LPA: variants seen among roughly 807,000 people sequenced by gnomAD.
LPA encodes the protein lipoprotein(a).
A neutral mutation model predicts 197.9 loss-of-function variants in LPA; 199 were observed. The observed-to-expected ratio is 1.01, with a 90% CI of 0.90 to 1.13. The LOEUF (loss-of-function observed/expected upper bound fraction) is 1.13, where lower values mean the gene tolerates loss of function less well. LPA is among the 50% of genes most tolerant of loss of function. The pLI is 0.00. For missense variants in LPA, 1,853 were observed against 1,785.8 expected (o/e 1.04, Z -0.68); for synonymous variants, 715 against 639.5 (o/e 1.12, Z -1.78).
At chr6:160,654,048 ATAATATATTATATATATTAT>A (rs1780077189) in intron 1 of LPA, among the ~76,000 whole-genome samples, 1 of 10,948 alleles carries the variant, frequency 9.1e-5, no homozygotes, top group Non-Finnish European at 1.4e-4. Context: ...TATATAATAT[ATAATATATTATATATATTAT>A]ATATAATATA....
chr6:160,573,809 C>A (rs1778605959), intron 28 of LPA, among the ~76,000 whole-genome samples: 1 of 152,044 alleles, frequency 6.6e-6, no homozygotes, highest in African/African-American at 2.4e-5. Flanking sequence ...GATACCAGTG[C>A]CTGTTCTGGT....
intron 20 of LPA, among the ~76,000 whole-genome samples, chr6:160,598,551 C>T (rs570223711): frequency 1.3e-5 from 2 of 152,252 alleles, no homozygotes; most frequent in East Asian, 1.9e-4. Flanking sequence ...ATGTGGAAAC[C>T]GTTTTGCCGT....
chr6:160,578,636 G>C lies in LPA; in HGVS notation c.4358C>G (p.Pro1453Arg). 6.2e-7 allele frequency: 1 copy of C among 1,613,936 alleles called. No homozygotes were observed. The highest frequency in any genetic ancestry group is 8.5e-7 in the Non-Finnish European group (1 of 1,179,908). ...EIRPWCYTMD[P>R]SVRWEYCNLT... is the part of the protein sequence containing the mutation. ...GTTGCAGTACTCCCACCTGACACTG[G>C]GATCCATGGTGTAACACCAAGGGCG... Residue 1453 changes from proline (P) to arginine (R), a missense_variant, in exon 27 of 39, where the codon CCC becomes CGC. Physicochemically the swap from Pro to Arg is moderately radical, Grantham distance 103 (BLOSUM62 -2). Around this residue, in one of 3 missense-constraint regions of LPA, gnomAD observed 1,737 missense variants for 1,504.4 expected, o/e 1.15. Coordinates refer to ENST00000316300, the MANE Select transcript of LPA (RefSeq NM_005577.4).
chr6:160,609,985 C>T (rs1352543754), intron 16 of LPA, among the ~76,000 whole-genome samples: 2 of 152,016 alleles, frequency 1.3e-5, no homozygotes. Context: ...TTTGATTTGG[C>T]TATTCTATAC....
chr6:160,647,450 T>C (rs1054810415), intron 2 of LPA, among the ~76,000 whole-genome samples: 1 of 152,118 alleles, frequency 6.6e-6, no homozygotes, highest in Admixed American at 6.5e-5. Context: ...GTGTCTCTAG[T>C]GGCTCTACAC....
chr6:160,635,060 G>A, intron 7 of LPA, 63 bp downstream of exon 7: 6 of 1,446,284 alleles, frequency 4.1e-6, no homozygotes, highest in Non-Finnish European at 5.8e-6. Context: ...GCATCAGTGG[G>A]AATTTCCATG....
chr6:160,660,731 G>A (rs1468477758), intron 1 of LPA, among the ~76,000 whole-genome samples: 1 of 151,672 alleles, frequency 6.6e-6, no homozygotes, highest in Non-Finnish European at 1.5e-5. Context: ...AATAAAAAGT[G>A]AACTAAATTA....
chr6:160,582,468 T>A (rs1225119453), intron 26 of LPA, among the ~76,000 whole-genome samples: 1 of 152,066 alleles, frequency 6.6e-6, no homozygotes, highest in Non-Finnish European at 1.5e-5. Context: ...GTTTCTGATT[T>A]GATCTTTTTT....
chr6:160,548,783 A>G, intron 30 of LPA, 124 bp from the exon 31 acceptor site: 1 of 962,058 alleles, frequency 1.0e-6, no homozygotes. Flanking sequence ...CATTAAAGGT[A>G]TCATACAATT....
chr6:160,535,866 T>C (rs1777887059), intron 37 of LPA, among the ~76,000 whole-genome samples: 2 of 152,218 alleles, frequency 1.3e-5, no homozygotes, highest in Admixed American at 1.3e-4. Flanking sequence ...CAGATCCTTA[T>C]GATTTTAGCT....
At chr6:160,538,891 C>T (rs1291075396) in intron 36 of LPA, among the ~76,000 whole-genome samples, 1 of 152,208 alleles carries the variant, frequency 6.6e-6, no homozygotes, top group Non-Finnish European at 1.5e-5. Flanking sequence ...TTCAAGCCAT[C>T]AGAACACCCC....
chr6:160,588,079 A>C (rs1778948676), intron 24 of LPA, among the ~76,000 whole-genome samples: 1 of 151,966 alleles, frequency 6.6e-6, no homozygotes. Flanking sequence ...TGTTCTCACC[A>C]ATGTCATCAA....
At chr6:160,634,990 T>G in intron 7 of LPA, 133 bp downstream of exon 7, 1 of 1,504,516 alleles carries the variant, frequency 6.6e-7, no homozygotes, top group Non-Finnish European at 9.1e-7. Context: ...CACGGAGGCT[T>G]CCCCCAACAT....
At chr6:160,597,703 A>G (rs954103323) in intron 20 of LPA, among the ~76,000 whole-genome samples, 1 of 152,156 alleles carries the variant, frequency 6.6e-6, no homozygotes, top group Non-Finnish European at 1.5e-5. Context: ...GTTTTCTTAA[A>G]TCCAGCAATG....
chr6:160,576,728 AT>A (rs540460722), intron 28 of LPA, among the ~76,000 whole-genome samples: 71 of 115,154 alleles, frequency 6.2e-4, no homozygotes, highest in South Asian at 1.1e-3. Flanking sequence ...ACACATCTTA[AT>A]TTTTTTTTTT....
intron 18 of LPA, among the ~76,000 whole-genome samples, chr6:160,603,233 G>GGTGTGTGTGT (rs72482597): frequency 0.12 from 18,049 of 144,640 alleles, 1,476 homozygotes; most frequent in East Asian, 0.34. Context: ...TATTTGTGGA[G>GGTGTGTGTGT]GTGTGTGTGT....
At chr6:160,572,010 A>G (rs771650191) in intron 28 of LPA, among the ~76,000 whole-genome samples, 2 of 152,160 alleles carry the variant, frequency 1.3e-5, no homozygotes, top group Non-Finnish European at 2.9e-5. Context: ...TGGTGTAGGC[A>G]CCCAAGGGAA....
intron 26 of LPA, among the ~76,000 whole-genome samples, chr6:160,583,841 T>C (rs1385760227): frequency 6.6e-6 from 1 of 152,220 alleles, no homozygotes; most frequent in East Asian, 1.9e-4. Context: ...TGCCCTTAAG[T>C]CTAGGAAGGG....
chr6:160,585,443 A>C (rs1778892134), intron 25 of LPA, among the ~76,000 whole-genome samples: 1 of 152,186 alleles, frequency 6.6e-6, no homozygotes, highest in Admixed American at 6.5e-5. Context: ...GAAACAAACA[A>C]AAAACAGATC....
Sources: allele counts gnomAD v4.1 joint callset (sites outside exome capture counted in the v4.1 genomes callset), GRCh38; gene constraint gnomAD v4.1.1; regional missense constraint gnomAD v4.1.1; transcripts MANE v1.5; gene names NCBI Gene and HGNC (gene_info 2026-07-23, HGNC 2026-07-21).